The following NECTIN3 variants were observed in gnomAD, a reference collection of about 807,000 sequenced individuals.
NECTIN3 encodes nectin-3.
A neutral mutation model predicts 49.4 loss-of-function variants in NECTIN3; 8 were observed. That is an observed-to-expected ratio of 0.16 (90% CI 0.10 to 0.29). The LOEUF (loss-of-function observed/expected upper bound fraction) is 0.29. Ranked by LOEUF, NECTIN3 falls within the 10% of genes least tolerant of loss-of-function variation. NECTIN3 has a pLI of 1.00. For synonymous variants in NECTIN3, 277 were observed against 241.1 expected (o/e 1.15, Z -1.38); for missense variants, 581 against 654.6 (o/e 0.89, Z 1.23).
At chr3:111,127,578 T>C (rs1038034827) in intron 5 of NECTIN3, among the ~76,000 whole-genome samples, 11 of 152,006 alleles carry the variant, frequency 7.2e-5, no homozygotes, top group African/African-American at 2.4e-4. Context: ...TTTTTTTCTT[T>C]TGAGACGTGG....
intron 1 of NECTIN3, chr3:111,073,355 AG>A (rs1466708096): frequency 6.6e-6 from 1 of 152,306 alleles, no homozygotes; most frequent in East Asian, 1.9e-4. Flanking sequence ...TAGGTGAGTC[AG>A]GGTAGTTGGT....
chr3:111,188,447 G>A (rs991972667), upstream of NECTIN3, among the ~76,000 whole-genome samples: 13 of 152,142 alleles, frequency 8.5e-5, no homozygotes, highest in East Asian at 5.8e-4. Context: ...CTTATTGTCC[G>A]ATCAGTGCAC....
chr3:111,160,985 C>T (rs35441599), intron 7 of NECTIN3, among the ~76,000 whole-genome samples: 372 of 151,932 alleles, frequency 2.4e-3, no homozygotes, highest in African/African-American at 8.4e-3. Flanking sequence ...CCAGCCTGGA[C>T]GACAGAACGA....
At chr3:111,150,178 G>A (rs1260727615) in intron 7 of NECTIN3, among the ~76,000 whole-genome samples, 3 of 152,012 alleles carry the variant, frequency 2.0e-5, no homozygotes, top group African/African-American at 7.2e-5. Flanking sequence ...TGACTCTACT[G>A]AGAATGATAA....
chr3:111,151,471 A>G (rs1176699906), intron 7 of NECTIN3, among the ~76,000 whole-genome samples: 1 of 151,974 alleles, frequency 6.6e-6, no homozygotes, highest in East Asian at 1.9e-4. Flanking sequence ...GACTATAGAA[A>G]TATTTTTAAA....
At chr3:111,169,953 C>T (rs1229432762) in intron 7 of NECTIN3, among the ~76,000 whole-genome samples, 1 of 152,186 alleles carries the variant, frequency 6.6e-6, no homozygotes, top group Non-Finnish European at 1.5e-5. Context: ...GCTAGCTTGA[C>T]ATTTAACAAA....
At chr3:111,148,870 A>G (rs2034939329) in intron 7 of NECTIN3, among the ~76,000 whole-genome samples, 1 of 151,970 alleles carries the variant, frequency 6.6e-6, no homozygotes. Context: ...TGTAGTAAAA[A>G]TCTGTTTGTC....
intron 1 of NECTIN3, among the ~76,000 whole-genome samples, chr3:111,111,210 A>G (rs2033445761): frequency 6.6e-6 from 1 of 152,136 alleles, no homozygotes; most frequent in Admixed American, 6.6e-5. Flanking sequence ...GTAGTCATGA[A>G]TGTTAGCTTT....
At chr3:111,174,396 C>T (rs917598278) in intron 7 of NECTIN3, among the ~76,000 whole-genome samples, 2 of 152,146 alleles carry the variant, frequency 1.3e-5, no homozygotes, top group African/African-American at 4.8e-5. Context: ...CAATTTTCCA[C>T]TGCGGATATA....
intron 1 of NECTIN3, among the ~76,000 whole-genome samples, chr3:111,107,345 C>G (rs897870367): frequency 6.6e-5 from 10 of 152,074 alleles, no homozygotes; most frequent in Admixed American, 6.6e-5. Context: ...AATGCTGTCT[C>G]TTTCTCTGAA....
At chr3:111,193,270 T>G in intron 1 of NECTIN3, 1 of 1,535,850 alleles carries the variant, frequency 6.5e-7, no homozygotes, top group Non-Finnish European at 8.7e-7. Flanking sequence ...ATTCAGCAGA[T>G]GTACCCCCTT....
intron 1 of NECTIN3, among the ~76,000 whole-genome samples, chr3:111,111,800 A>G (rs914791778): frequency 3.9e-5 from 6 of 151,930 alleles, no homozygotes; most frequent in African/African-American, 1.5e-4. Flanking sequence ...TCACATTTGG[A>G]TCTCATATCA....
chr3:111,090,288 G>T (rs1163154921), intron 1 of NECTIN3, among the ~76,000 whole-genome samples: 3 of 151,866 alleles, frequency 2.0e-5, no homozygotes, highest in African/African-American at 7.3e-5. Context: ...TTGTCCATAC[G>T]TCCTTTGTTT....
intron 7 of NECTIN3, among the ~76,000 whole-genome samples, chr3:111,158,134 A>G (rs1467861227): frequency 1.3e-5 from 2 of 152,066 alleles, no homozygotes; most frequent in Non-Finnish European, 1.5e-5. Flanking sequence ...TACAATTATG[A>G]CTGTTTGACA....
At chr3:111,150,664 G>A (rs1279160158) in intron 7 of NECTIN3, among the ~76,000 whole-genome samples, 1 of 151,576 alleles carries the variant, frequency 6.6e-6, no homozygotes, top group Non-Finnish European at 1.5e-5. Context: ...ATTATCTGAA[G>A]ACTATTCAAA....
At chr3:111,155,438 A>G (rs955067533) in intron 7 of NECTIN3, among the ~76,000 whole-genome samples, 1 of 152,210 alleles carries the variant, frequency 6.6e-6, no homozygotes, top group African/African-American at 2.4e-5. Flanking sequence ...GCCAAGCACA[A>G]TGAAATTGCC....
chr3:111,130,954 T>G (rs1028405059), intron 5 of NECTIN3, among the ~76,000 whole-genome samples: 1 of 152,108 alleles, frequency 6.6e-6, no homozygotes, highest in African/African-American at 2.4e-5. Context: ...TGTCTAAAAC[T>G]CTTATTCCTG....
At chr3:111,111,970 G>A (rs2107449691) in intron 1 of NECTIN3, 60 bp from the exon 2 acceptor site, 1 of 1,092,260 alleles carries the variant, frequency 9.2e-7, no homozygotes, top group East Asian at 2.5e-5. Context: ...CAGGAAGGGA[G>A]GAGAGTGTTG....
chr3:111,077,916 G>A (rs536887574), intron 1 of NECTIN3, among the ~76,000 whole-genome samples: 12 of 152,222 alleles, frequency 7.9e-5, no homozygotes, highest in African/African-American at 2.9e-4. Flanking sequence ...AAGTTTTCTT[G>A]AAGCCACATT....
Sources: gnomAD v4.1 joint callset for allele counts (sites outside exome capture counted in the v4.1 genomes callset) on GRCh38, gnomAD v4.1.1 for gene constraint, MANE v1.5 for transcripts, NCBI Gene and HGNC (gene_info 2026-07-23, HGNC 2026-07-21) for gene names.